DOP1A: variants seen among roughly 807,000 people sequenced by gnomAD.
DOP1A encodes the protein DOP1 leucine zipper like protein A.
A neutral mutation model predicts 267.6 loss-of-function variants in DOP1A; 90 were observed. The ratio of observed to expected loss-of-function variants is 0.34; its 90% confidence interval spans 0.28 to 0.40. DOP1A has a LOEUF of 0.40. DOP1A is among the 10% of genes least tolerant of loss of function. The probability of loss-of-function intolerance (pLI) is 1.00; values close to 1 mark genes in which losing one functional copy is unlikely to be tolerated. For missense variants in DOP1A, 2,437 were observed against 2,900.4 expected (o/e 0.84, Z 3.67); for synonymous variants, 932 against 999.1 (o/e 0.93, Z 1.27).
At chr6:83,137,017 A>G (rs1167530298) in intron 20 of DOP1A, among the ~76,000 whole-genome samples, 156 bp from the exon 21 acceptor site, 2 of 152,184 alleles carry the variant, frequency 1.3e-5, no homozygotes, top group African/African-American at 4.8e-5. Flanking sequence ...AAAAAACAAA[A>G]CTTTCACCTG....
intron 35 of DOP1A, 108 bp downstream of exon 35, chr6:83,157,426 A>G (rs1783032072): frequency 1.8e-6 from 2 of 1,124,810 alleles, no homozygotes; most frequent in Non-Finnish European, 2.6e-6. Flanking sequence ...ACTGAGCTGT[A>G]GTTAAACCAG....
chr6:83,160,464 G>C (rs1327645426), intron 37 of DOP1A, among the ~76,000 whole-genome samples: 2 of 152,216 alleles, frequency 1.3e-5, no homozygotes, highest in African/African-American at 4.8e-5. Flanking sequence ...ATTAAACCAT[G>C]TAAGACCTTG....
intron 33 of DOP1A, 118 bp downstream of exon 33, chr6:83,154,359 A>G: frequency 1.1e-6 from 1 of 900,056 alleles, no homozygotes; most frequent in Non-Finnish European, 1.7e-6. Flanking sequence ...GTCAAGTGTC[A>G]GTGGGGATAT....
At chr6:83,116,074 A>G (rs1403990366) in intron 7 of DOP1A, among the ~76,000 whole-genome samples, 1 of 152,206 alleles carries the variant, frequency 6.6e-6, no homozygotes, top group Non-Finnish European at 1.5e-5. Context: ...TTTTGGTTAA[A>G]GTATATGAAG....
At chr6:83,128,822 A>T in intron 15 of DOP1A, 65 bp from the exon 16 acceptor site, 17 of 1,491,856 alleles carry the variant, frequency 1.1e-5, no homozygotes, top group Non-Finnish European at 1.4e-5. Flanking sequence ...AAAAGTGGTC[A>T]TTTCTAATTC....
intron 1 of DOP1A, among the ~76,000 whole-genome samples, chr6:83,075,287 G>A (rs1015980241): frequency 6.6e-6 from 1 of 152,078 alleles, no homozygotes; most frequent in African/African-American, 2.4e-5. Flanking sequence ...TAGGAGCTGG[G>A]GATTTGAGAG....
At chr6:83,096,522 C>CT (rs1771541564) in intron 1 of DOP1A, among the ~76,000 whole-genome samples, 2 of 150,642 alleles carry the variant, frequency 1.3e-5, no homozygotes, top group East Asian at 3.9e-4. Context: ...ATTTGTTTTT[C>CT]TTTCTTCCCC....
intron 36 of DOP1A, 83 bp downstream of exon 36, chr6:83,158,705 A>C (rs1196946559): frequency 1.1e-6 from 1 of 942,424 alleles, no homozygotes; most frequent in African/African-American, 1.7e-5. Context: ...CTAGGAGAAT[A>C]TAGTCTTTTT....
rs895476166 is a variant in DOP1A, at chr6:83,111,152, G to T, written c.681+838G>T. On this transcript the variant is annotated intron_variant, in intron 6 of 38. Transcript: ENST00000349129. ...CATTTTTTGTGTTCTTTAAATCCAC[G>T]TTGGTCAGGCTGGCCTCGAACTCCT... 2.6e-5 allele frequency among the ~76,000 whole-genome samples: 4 copies of T among 151,932 alleles called. No homozygotes were observed. The East Asian group carries it at 7.8e-4, about 29-fold the overall frequency.
At chr6:83,076,845 TAATC>T (rs774755757) in intron 1 of DOP1A, among the ~76,000 whole-genome samples, 11 of 152,202 alleles carry the variant, frequency 7.2e-5, no homozygotes, top group East Asian at 3.9e-4. Context: ...CTACTCGTGA[TAATC>T]AAGAGGTAGA....
At position 83,159,811 on chromosome 6, in the gene DOP1A, T is replaced by G; in HGVS notation, c.6813T>G (p.Ser2271=). ...DEDISRTSGP[S]VAGLETTYTG... is the part of the protein sequence containing the mutation. ...CTGCTTACAGGACTTCAGGGCCCTC[T>G]GTGGCTGGTCTGGAGACAACGTACA... is the stretch of plus-strand genomic sequence containing the variant. Residue 2271 remains serine (S), a synonymous_variant, in exon 37 of 39, where the codon TCT becomes TCG. Coordinates refer to ENST00000349129, the MANE Select transcript of DOP1A (RefSeq NM_015018.4). 6.2e-7 allele frequency: 1 copy of G among 1,614,168 alleles called. No individual in the cohort carries two copies. The highest frequency in any genetic ancestry group is 8.5e-7 in the Non-Finnish European group (1 of 1,180,040).
intron 1 of DOP1A, among the ~76,000 whole-genome samples, chr6:83,087,420 C>CA (rs1038663884): frequency 0.012 from 1,749 of 150,120 alleles, 35 homozygotes; most frequent in African/African-American, 0.039. Context: ...AGGCTGAAAA[C>CA]AAAAAAAAAC....
intron 1 of DOP1A, among the ~76,000 whole-genome samples, chr6:83,082,381 A>T (rs745805015): frequency 1.3e-5 from 2 of 152,232 alleles, no homozygotes; most frequent in Admixed American, 6.5e-5. Context: ...AACCTAGAGG[A>T]CACTGTGTTA....
At chr6:83,153,468 G>A (rs769087126) in intron 30 of DOP1A, 43 bp from the exon 31 acceptor site, 10 of 1,335,644 alleles carry the variant, frequency 7.5e-6, no homozygotes, top group Non-Finnish European at 1.0e-5. Flanking sequence ...GATGATGTCA[G>A]TTTCACCTCA....
chr6:83,097,952 C>A (rs1045481975), intron 3 of DOP1A, among the ~76,000 whole-genome samples: 1 of 151,498 alleles, frequency 6.6e-6, no homozygotes, highest in Non-Finnish European at 1.5e-5. Context: ...AGGCTGGAGT[C>A]CAGTGGCATG....
intron 4 of DOP1A, among the ~76,000 whole-genome samples, chr6:83,108,497 T>A (rs898077489): frequency 2.0e-5 from 3 of 152,196 alleles, no homozygotes; most frequent in African/African-American, 7.2e-5. Context: ...TAGAAGATTT[T>A]TAAAGCTACT....
chr6:83,133,012 C>T (rs1047389816), intron 18 of DOP1A, among the ~76,000 whole-genome samples: 1 of 151,808 alleles, frequency 6.6e-6, no homozygotes, highest in Non-Finnish European at 1.5e-5. Context: ...ACTCAAAATG[C>T]TAGTGAGTTT....
intron 1 of DOP1A, among the ~76,000 whole-genome samples, chr6:83,077,512 A>AT (rs200541167): frequency 0.02 from 3,002 of 147,558 alleles, 98 homozygotes; most frequent in African/African-American, 0.067. Flanking sequence ...ACAAAAAAAA[A>AT]TTTTTTTTTT....
intron 9 of DOP1A, among the ~76,000 whole-genome samples, 198 bp downstream of exon 9, chr6:83,120,055 G>C (rs1247131291): frequency 6.6e-6 from 1 of 151,836 alleles, no homozygotes; most frequent in African/African-American, 2.4e-5. Flanking sequence ...TAAGACAAAA[G>C]ACTTTTTTTC....
Sources: allele counts gnomAD v4.1 joint callset (sites outside exome capture counted in the v4.1 genomes callset), GRCh38; gene constraint gnomAD v4.1.1; transcripts MANE v1.5; gene names NCBI Gene and HGNC (gene_info 2026-07-23, HGNC 2026-07-21).